REXO4: variants seen among roughly 807,000 people sequenced by gnomAD.
The protein encoded by REXO4 is RNA exonuclease 4, also known as REX4 homolog, 3'-5' exonuclease.
A neutral mutation model predicts 39.9 loss-of-function variants in REXO4; 29 were observed. That is an observed-to-expected ratio of 0.73 (90% CI 0.54 to 0.99). REXO4 has a LOEUF of 0.99. Among genes scored for constraint, REXO4 ranks in the 50% least tolerant of loss-of-function variants. REXO4 has a pLI of 0.00. For missense variants in REXO4, 524 were observed against 546.5 expected, an observed-to-expected ratio of 0.96 and a Z score of 0.41; for synonymous variants, 184 against 206.2, an observed-to-expected ratio of 0.89 and a Z score of 0.92.
rs1554780576 is a variant in REXO4, at chr9:133,412,873, G to A, written c.621C>T (p.Ala207=). 3.1e-6 allele frequency: 5 copies of A among 1,614,078 alleles called. No individual in the cohort carries two copies. The highest frequency in any genetic ancestry group is 4.2e-6 in the Non-Finnish European group (5 of 1,180,026). Residue 207 remains alanine, a synonymous_variant, in exon 3 of 8, where the codon GCC becomes GCT. Coordinates refer to ENST00000371942, the MANE Select transcript of REXO4 (RefSeq NM_020385.4). ...DDVDPADIEA[A]IGPEAAKIAR... is the part of the protein sequence containing the mutation. The stretch of plus-strand genomic sequence containing the variant: ...CTATCTTGGCCGCCTCTGGACCTAT[G>A]GCAGCTTCGATATCCGCTGGGTCCA...
intron 1 of REXO4, among the ~76,000 whole-genome samples, chr9:133,417,137 G>A (rs1287928500): frequency 6.6e-6 from 1 of 152,152 alleles, no homozygotes; most frequent in African/African-American, 2.4e-5. Flanking sequence ...CAGGCTCCCC[G>A]AGTAGCTGCG....
In REXO4 at chr9:133,406,682, G is replaced by T. The variant is rs1162240791; in HGVS notation, c.*271C>A. ...CAACCTCACCTGGCCCAGGGGGTCA[G>T]CAGTCGGTAAAGCGTGGCCAGGCGT... is the stretch of plus-strand genomic sequence containing the variant. On this transcript the variant is annotated 3_prime_UTR_variant, in exon 8 of 8. Transcript: ENST00000371942. The T allele has an allele frequency of 6.2e-6, 3 of 482,274 alleles. No homozygotes were observed. The highest frequency in any genetic ancestry group is 6.6e-5 in the Admixed American group (2 of 30,102). The allele number at this position is 482,274 out of a possible 1,614,324, so 29.9% of individuals were successfully genotyped here. A position where few individuals can be genotyped will look rare whatever the true frequency, so the allele number is the denominator to read the frequency against.
intron 3 of REXO4, 137 bp downstream of exon 3, chr9:133,412,641 T>G: frequency 7.1e-7 from 1 of 1,414,772 alleles, no homozygotes; most frequent in South Asian, 1.3e-5. Context: ...CTCTGTGTGG[T>G]CCTGGTTCTT....
intron 5 of REXO4, among the ~76,000 whole-genome samples, chr9:133,410,528 A>T (rs1554779907): frequency 3.3e-5 from 5 of 152,254 alleles, no homozygotes; most frequent in Non-Finnish European, 1.5e-5. Flanking sequence ...GGGCTGCCCC[A>T]GGCGGGATTT....
At chr9:133,411,128 C>T (rs1839191513) in intron 4 of REXO4, 55 bp from the exon 5 acceptor site, 1 of 1,440,054 alleles carries the variant, frequency 6.9e-7, no homozygotes, top group African/African-American at 1.4e-5. Flanking sequence ...CACCATCATT[C>T]TGTGAGGAGG....
upstream of REXO4, chr9:133,418,096 A>G (rs1839789092): frequency 5.7e-6 from 3 of 524,042 alleles, no homozygotes; most frequent in Non-Finnish European, 1.0e-5. Flanking sequence ...GGTTCCGCGC[A>G]GCCTGGGCGG....
chr9:133,412,594 C>A, intron 3 of REXO4, 102 bp from the exon 4 acceptor site: 1 of 1,418,298 alleles, frequency 7.1e-7, no homozygotes, highest in South Asian at 1.2e-5. Flanking sequence ...CAGAGAAAAG[C>A]TCTCTGCCCC....
rs1009950829 is a variant in REXO4 at position 133,415,147 on chromosome 9, A to T, written c.226-136T>A. On this transcript the variant is annotated intron_variant, in intron 1 of 7. Coordinates refer to ENST00000371942, the MANE Select transcript of REXO4 (RefSeq NM_020385.4). ...ATACAATTCCCATCCGCATCACTGA[A>T]ATTCATTTTCAAACGGTTTGGAAAA... 55 of 702,736 alleles carry T rather than the reference A, an allele frequency of 7.8e-5. No homozygotes were observed. The East Asian group carries it at 1.5e-3, about 19-fold the overall frequency. The allele number at this position is 702,736 out of a possible 1,614,324, so 43.5% of individuals were successfully genotyped here. A position where few individuals can be genotyped will look rare whatever the true frequency, so the allele number is the denominator to read the frequency against.
At chr9:133,407,279 G>A (rs969538041) in intron 7 of REXO4, among the ~76,000 whole-genome samples, 14 of 152,174 alleles carry the variant, frequency 9.2e-5, no homozygotes, top group Admixed American at 6.5e-5. Context: ...ACACTTCTGT[G>A]ACTCAGACAC....
chr9:133,412,949 A>T, intron 2 of REXO4, 28 bp from the exon 3 acceptor site: 1 of 1,609,650 alleles, frequency 6.2e-7, no homozygotes, highest in Non-Finnish European at 8.5e-7. Flanking sequence ...CAGGCTGATC[A>T]CCAGAAGACC....
At chr9:133,416,078 G>A (rs1839579010) in intron 1 of REXO4, among the ~76,000 whole-genome samples, 1 of 152,200 alleles carries the variant, frequency 6.6e-6, no homozygotes, top group Non-Finnish European at 1.5e-5. Context: ...GTAGCTCATG[G>A]TTTTGCAGGT....
At chr9:133,411,123 T>C in intron 4 of REXO4, 50 bp from the exon 5 acceptor site, 2 of 1,485,532 alleles carry the variant, frequency 1.3e-6, no homozygotes, top group South Asian at 1.1e-5. Context: ...CACATCACCA[T>C]CATTCTGTGA....
intron 4 of REXO4, among the ~76,000 whole-genome samples, chr9:133,411,745 G>A (rs1839221657): frequency 6.6e-6 from 1 of 152,120 alleles, no homozygotes; most frequent in South Asian, 2.1e-4. Flanking sequence ...TGACCAATGT[G>A]GAGAAACCCT....
intron 1 of REXO4, among the ~76,000 whole-genome samples, chr9:133,416,846 G>A (rs3124779): frequency 0.46 from 69,538 of 152,078 alleles, 16,316 homozygotes; most frequent in African/African-American, 0.54. Flanking sequence ...ATTGCAACAC[G>A]CATGGCATAG....
Position 133,409,052 on chromosome 9 carries a change from G to A in REXO4, c.1000-210C>T, listed in dbSNP as rs182491353. Reference sequence around the variant, plus strand: ...TCAATCTTTGCTGACTGCAACCTCCGACCCCAGGTTTCAAGTGATTCTCCT... The same window carrying A: ...TCAATCTTTGCTGACTGCAACCTCCAACCCCAGGTTTCAAGTGATTCTCCT... On this transcript the variant is annotated intron_variant, in intron 5 of 7. Transcript: ENST00000371942. 3.3e-3 allele frequency among the ~76,000 whole-genome samples: 493 copies of A among 149,546 alleles called. 2 individuals are homozygous for A. Among genetic ancestry groups the A allele is most frequent in the African/African-American group, 0.011 (453 of 40,600 alleles).
rs782511930 is a variant in REXO4, at chr9:133,414,786, C to T, written c.451G>A (p.Gly151Arg). 4.3e-6 allele frequency: 7 copies of T among 1,614,022 alleles called. No homozygotes were observed. The South Asian group carries it at 6.6e-5, about 15-fold the overall frequency. ...RAPVPRTKAS[G>R]TEHNKKGTKE... ...GTTCCTTTCTTATTGTGCTCTGTTC[C>T]ACTGGCCTTGGTGCGAGGTACTGGC... The change falls in exon 2 of 8, where the codon GGA (glycine) becomes AGA (arginine). Residue 151 changes from glycine (G) to arginine (R), a missense_variant. Physicochemically the swap from Gly to Arg is moderately radical, Grantham distance 125. Transcript: ENST00000371942.
Position 133,407,858 on chromosome 9 carries a change from T to C in REXO4, c.1098A>G (p.Leu366=). 1 of 1,613,788 alleles carries C rather than the reference T, an allele frequency of 6.2e-7. No individual in the cohort carries two copies. The highest frequency in any genetic ancestry group is 1.1e-5 in the South Asian group (1 of 91,054). Residue 366 remains leucine (L), a synonymous_variant, in exon 7 of 8, where the codon CTA becomes CTG. Coordinates refer to ENST00000371942, the MANE Select transcript of REXO4 (RefSeq NM_020385.4). ...GGAGCCCAAGGATCTTCTCTGAAAG[T>C]AGTCTCAGAGACGGCCTTCCACTCT... ...QVKSGRPSLR[L]LSEKILGLQV...
intron 1 of REXO4, among the ~76,000 whole-genome samples, chr9:133,416,421 C>A (rs938834318): frequency 1.3e-5 from 2 of 152,166 alleles, no homozygotes. Context: ...CCATGTTGCC[C>A]AGGCTGGACT....
Position 133,410,602 on chromosome 9 carries a change from C to T in REXO4, c.999+383G>A, listed in dbSNP as rs587665775. Among the ~76,000 whole-genome samples, 8 of 152,360 alleles carry T rather than the reference C, an allele frequency of 5.3e-5. No individual in the cohort carries two copies. In the East Asian group the frequency reaches 1.3e-3, roughly 26 times the overall value. Reference sequence around the variant, plus strand: ...AGGGCCAGGGTGATGGTTAGGCAAGCGTAACCTGAACATGGGCCACAGGGC... The same window carrying T: ...AGGGCCAGGGTGATGGTTAGGCAAGTGTAACCTGAACATGGGCCACAGGGC... On this transcript the variant is annotated intron_variant, in intron 5 of 7. Transcript: ENST00000371942.
Sources: allele counts gnomAD v4.1 joint callset (sites outside exome capture counted in the v4.1 genomes callset), GRCh38; gene constraint gnomAD v4.1.1; transcripts MANE v1.5; gene names NCBI Gene and HGNC (gene_info 2026-07-23, HGNC 2026-07-21).